Variants in OSBPL9 observed in about 807,000 individuals in gnomAD.
OSBPL9 encodes the protein oxysterol binding protein like 9, also known as oxysterol-binding protein-related protein 9.
A neutral mutation model predicts 106.6 loss-of-function variants in OSBPL9; 40 were observed. The ratio of observed to expected loss-of-function variants is 0.38; its 90% CI spans 0.29 to 0.49. The LOEUF (loss-of-function observed/expected upper bound fraction) is 0.49. Among genes scored for constraint, OSBPL9 ranks in the 20% least tolerant of loss-of-function variants. The pLI is 0.97. For missense variants in OSBPL9, 609 were observed against 887.2 expected (o/e 0.69, Z 3.98); for synonymous variants, 269 against 295.4 (o/e 0.91, Z 0.92).
chr1:51,770,611 C>T (rs772571869), intron 12 of OSBPL9, among the ~76,000 whole-genome samples: 5 of 152,134 alleles, frequency 3.3e-5, no homozygotes, highest in African/African-American at 1.2e-4. Flanking sequence ...TTTGATTTCT[C>T]TTACCTGTAT....
chr1:51,656,677 T>A (rs1646838070), intron 2 of OSBPL9, among the ~76,000 whole-genome samples: 1 of 141,202 alleles, frequency 7.1e-6, no homozygotes, highest in Non-Finnish European at 1.5e-5. Flanking sequence ...TCCCCCCAAC[T>A]TTTGACAGGA....
the OSBPL9 span, chr1:51,561,627 C>T: frequency 6.6e-6 from 1 of 152,050 alleles, no homozygotes. Context: ...ATAAAAAAAA[C>T]AAGTAGGAGA....
Position 51,772,068 on chromosome 1 carries a change from A to G in OSBPL9, c.939-2A>G. 6.2e-7 allele frequency: 1 copy of G among 1,606,372 alleles called. No homozygotes were observed. Among genetic ancestry groups the G allele is most frequent in the Non-Finnish European group, 8.5e-7 (1 of 1,175,578 alleles). ...TAAATAAGGTAATTAATGTTTTTAT[A>G]GTTCTTCTGGATCTGCCTCAGTCCT... On this transcript the variant is annotated splice_acceptor_variant, in intron 12 of 23. Coordinates refer to ENST00000428468, the MANE Select transcript of OSBPL9 (RefSeq NM_024586.6). LOFTEE classifies it high-confidence loss of function.
chr1:51,683,693 T>G (rs902755749), intron 3 of OSBPL9, among the ~76,000 whole-genome samples: 2 of 151,868 alleles, frequency 1.3e-5, no homozygotes, highest in African/African-American at 2.4e-5. Context: ...CTCAGGAGGC[T>G]GAGGCAGGAG....
intron 1 of OSBPL9, among the ~76,000 whole-genome samples, chr1:51,635,066 C>A (rs1338211246): frequency 6.6e-6 from 1 of 152,178 alleles, no homozygotes; most frequent in East Asian, 1.9e-4. Context: ...GCAAACATAT[C>A]CCATGGCCAG....
At chr1:51,780,101 C>A (rs1268889398) in intron 15 of OSBPL9, among the ~76,000 whole-genome samples, 2 of 149,174 alleles carry the variant, frequency 1.3e-5, no homozygotes, top group Non-Finnish European at 3.0e-5. Context: ...AAAAAAAGGC[C>A]AACAAACATG....
chr1:51,715,887 G>A (rs555395778), intron 4 of OSBPL9, among the ~76,000 whole-genome samples: 17 of 151,888 alleles, frequency 1.1e-4, no homozygotes, highest in African/African-American at 3.4e-4. Flanking sequence ...ACCCTCTGCC[G>A]ACTGGCCTTT....
At chr1:51,636,202 C>A (rs1645437310) in intron 1 of OSBPL9, among the ~76,000 whole-genome samples, 1 of 117,114 alleles carries the variant, frequency 8.5e-6, no homozygotes, top group African/African-American at 3.2e-5. Flanking sequence ...GCTTCGTTAT[C>A]CAGGCTGGAG....
the OSBPL9 span, among the ~76,000 whole-genome samples, chr1:51,554,988 C>T: frequency 2.0e-5 from 3 of 152,136 alleles, no homozygotes; most frequent in East Asian, 1.9e-4. Flanking sequence ...CACAGAGGGT[C>T]CAAAATCCTG....
chr1:51,658,165 G>A (rs1036395649), intron 2 of OSBPL9, among the ~76,000 whole-genome samples: 1 of 151,512 alleles, frequency 6.6e-6, no homozygotes, highest in Non-Finnish European at 1.5e-5. Flanking sequence ...GGGCATGTAT[G>A]TAATGAAATT....
chr1:51,602,327 C>T (rs1022224532), intron 2 of OSBPL9, among the ~76,000 whole-genome samples: 1 of 151,850 alleles, frequency 6.6e-6, no homozygotes, highest in Non-Finnish European at 1.5e-5. Flanking sequence ...AAAATTCTTC[C>T]ATCCTGCCTC....
chr1:51,532,172 G>A, the OSBPL9 span, among the ~76,000 whole-genome samples: 19 of 152,162 alleles, frequency 1.2e-4, no homozygotes, highest in Admixed American at 3.9e-4. Context: ...AGGACTTGGA[G>A]TCAAGAAAAA....
At chr1:51,659,252 A>G (rs998375945) in intron 2 of OSBPL9, among the ~76,000 whole-genome samples, 1 of 152,164 alleles carries the variant, frequency 6.6e-6, no homozygotes, top group East Asian at 1.9e-4. Context: ...TTTGACAACA[A>G]TGGAAAAAAT....
chr1:51,672,071 C>A (rs1390795746), intron 3 of OSBPL9, among the ~76,000 whole-genome samples: 2 of 152,048 alleles, frequency 1.3e-5, no homozygotes. Context: ...CCATATGAGG[C>A]CTTTATAAGG....
At chr1:51,565,564 T>C in the OSBPL9 span, 1 of 152,252 alleles carries the variant, frequency 6.6e-6, no homozygotes, top group Non-Finnish European at 1.5e-5. Flanking sequence ...ATCTTCACAG[T>C]AACCTTCACA....
the OSBPL9 span, among the ~76,000 whole-genome samples, chr1:51,557,873 T>C: frequency 1.3e-5 from 2 of 152,166 alleles, no homozygotes; most frequent in East Asian, 3.8e-4. Flanking sequence ...AAATCTGACA[T>C]AGGAAAATTG....
At chr1:51,604,013 C>A (rs912672002) in intron 2 of OSBPL9, among the ~76,000 whole-genome samples, 6 of 152,114 alleles carry the variant, frequency 3.9e-5, no homozygotes, top group Non-Finnish European at 7.4e-5. Flanking sequence ...CCCTATACAT[C>A]ATTGGTTCTG....
At chr1:51,708,412 G>C (rs770202523) in intron 3 of OSBPL9, among the ~76,000 whole-genome samples, 1 of 151,936 alleles carries the variant, frequency 6.6e-6, no homozygotes, top group Non-Finnish European at 1.5e-5. Context: ...TGCTTAAAAA[G>C]AATATCTGTT....
At chr1:51,534,583 AGAATTAAAGGT>A in the OSBPL9 span, among the ~76,000 whole-genome samples, 1 of 152,202 alleles carries the variant, frequency 6.6e-6, no homozygotes, top group Non-Finnish European at 1.5e-5. Flanking sequence ...GAAGTGGATA[AGAATTAAAGGT>A]GAACAGTCAG....
Sources: allele counts gnomAD v4.1 joint callset (sites outside exome capture counted in the v4.1 genomes callset), GRCh38; gene constraint gnomAD v4.1.1; transcripts MANE v1.5; gene names NCBI Gene and HGNC (gene_info 2026-07-23, HGNC 2026-07-21).